Variants in SPEN observed in about 807,000 individuals in gnomAD.
The protein encoded by SPEN is msx2-interacting protein.
Under a neutral mutation model 269.9 loss-of-function variants are expected in SPEN, and 18 were observed. That is an observed-to-expected ratio of 0.07 (90% CI 0.05 to 0.10). SPEN has a LOEUF of 0.10. Among genes scored for constraint, SPEN ranks in the 10% least tolerant of loss-of-function variants. The pLI, the probability that SPEN is intolerant of heterozygous loss-of-function variation, is 1.00. For missense variants in SPEN, 3,822 were observed against 4,631.2 expected, an observed-to-expected ratio of 0.83 and a Z score of 5.07; for synonymous variants, 1,726 against 1,765.7, an observed-to-expected ratio of 0.98 and a Z score of 0.56.
chr1:15,900,774 G>C (rs2070891790), intron 3 of SPEN, among the ~76,000 whole-genome samples: 1 of 152,060 alleles, frequency 6.6e-6, no homozygotes, highest in African/African-American at 2.4e-5. Flanking sequence ...TACAGGCCAG[G>C]GTTTCTCAGT....
At chr1:15,868,948 A>T (rs887237053) in intron 1 of SPEN, among the ~76,000 whole-genome samples, 2 of 152,216 alleles carry the variant, frequency 1.3e-5, no homozygotes, top group Non-Finnish European at 2.9e-5. Context: ...GTTACATGCT[A>T]CATTTAGTGT....
rs541126378 is a variant in SPEN, at chr1:15,931,173, G to A, written c.4933G>A (p.Val1645Ile). The A allele has an allele frequency of 1.2e-5, 19 of 1,614,056 alleles. No homozygotes were observed. The highest frequency in any genetic ancestry group is 1.4e-5 in the Non-Finnish European group (17 of 1,180,052). Residue 1645 changes from valine to isoleucine, a missense_variant, in exon 11 of 15, where the codon GTA becomes ATA. Coordinates refer to ENST00000375759, the MANE Select transcript of SPEN (RefSeq NM_015001.3). The surrounding 1 kb of genome is among the most constrained non-coding windows in gnomAD (Gnocchi z 4.8). ...PSVGPPSVTV[V>I]TLESAPSALE... ...CGTTGGGCCTCCAAGTGTCACAGTCGTAACTCTAGAATCAGCCCCATCAGC... is the reference window on the plus strand; with the variant it reads ...CGTTGGGCCTCCAAGTGTCACAGTCATAACTCTAGAATCAGCCCCATCAGC...
At position 15,848,046 on chromosome 1, in the gene SPEN, G is replaced by C; in HGVS notation, c.-22G>C. Reference sequence around the variant, plus strand: ...CCGGCGAGGGGGAGCCAGCAGCGGCGGTCGCCGGCACGCCGCCCAGCATGG... The same window carrying C: ...CCGGCGAGGGGGAGCCAGCAGCGGCCGTCGCCGGCACGCCGCCCAGCATGG... On this transcript the variant is annotated 5_prime_UTR_variant, in exon 1 of 15. Transcript: ENST00000375759. The surrounding 1 kb of genome is among the most constrained non-coding windows in gnomAD (Gnocchi z 5.1). 4 of 1,399,490 alleles carry C rather than the reference G, an allele frequency of 2.9e-6. No individual in the cohort carries two copies. In the South Asian group the frequency reaches 4.6e-5, roughly 16 times the overall value. The allele number at this position is 1,399,490 out of a possible 1,614,324, so 86.7% of individuals were successfully genotyped here. A position where few individuals can be genotyped will look rare whatever the true frequency, so the allele number is the denominator to read the frequency against.
Position 15,929,756 on chromosome 1 carries a change from A to G in SPEN, c.3516A>G (p.Gln1172=). ...DIDHTQSYRK[Q]MEQSRRKQQM... is the part of the protein sequence containing the mutation. ...ATCACACGCAGAGTTACCGAAAACAAATGGAACAGAGTCGTAGGAAACAGC... is the reference window on the plus strand; with the variant it reads ...ATCACACGCAGAGTTACCGAAAACAGATGGAACAGAGTCGTAGGAAACAGC... Residue 1172 remains glutamine, a synonymous_variant, in exon 11 of 15, where the codon CAA becomes CAG. Coordinates refer to ENST00000375759, the MANE Select transcript of SPEN (RefSeq NM_015001.3). This position sits in a 1 kb window ranked among gnomAD's most constrained non-coding sequence, Gnocchi z 5.8. 6.2e-7 allele frequency: 1 copy of G among 1,614,196 alleles called. No individual in the cohort carries two copies. The highest frequency in any genetic ancestry group is 8.5e-7 in the Non-Finnish European group (1 of 1,180,020).
At position 15,937,720 on chromosome 1, in the gene SPEN, TAAC is replaced by T. The variant is rs1259069121; in HGVS notation, c.10509+77_10509+79del. On this transcript the variant is annotated intron_variant, in intron 12 of 14. Coordinates refer to ENST00000375759, the MANE Select transcript of SPEN (RefSeq NM_015001.3). The surrounding 1 kb of genome is among the most constrained non-coding windows in gnomAD (Gnocchi z 5.7). Reference sequence around the variant, plus strand: ...GTCAAATGTCCTAAGATTCCCTAGTTAACAGACCCACAAGCTACAGCCTCTGGC... The same window carrying T: ...GTCAAATGTCCTAAGATTCCCTAGTTAGACCCACAAGCTACAGCCTCTGGC... 2.5e-6 allele frequency: 4 copies of T among 1,606,640 alleles called. No homozygotes were observed. Among genetic ancestry groups the T allele is most frequent in the Non-Finnish European group, 3.4e-6 (4 of 1,175,628 alleles).
Position 15,940,173 on chromosome 1 carries a change from G to A in SPEN, c.*746G>A, listed in dbSNP as rs1401820419. The A allele has an allele frequency of 4.4e-6, 1 of 228,294 alleles. No individual in the cohort carries two copies. Among genetic ancestry groups the A allele is most frequent in the Non-Finnish European group, 8.7e-6 (1 of 115,270 alleles). The allele number at this position is 228,294 out of a possible 1,614,324, so 14.1% of individuals were successfully genotyped here. On this transcript the variant is annotated 3_prime_UTR_variant, in exon 15 of 15. Transcript: ENST00000375759. ...CCCCGACATACGTTTTTTTTAATCT[G>A]TGCCAAAAATGTGTTTTCAGAGGAA...
At chr1:15,893,895 C>T (rs1395154636) in intron 3 of SPEN, among the ~76,000 whole-genome samples, 2 of 152,020 alleles carry the variant, frequency 1.3e-5, no homozygotes, top group South Asian at 2.1e-4. Context: ...AAAAATTAGC[C>T]GGGTGTGGTG....
chr1:15,921,141 C>T (rs1029116320), intron 9 of SPEN, among the ~76,000 whole-genome samples, 158 bp downstream of exon 9: 2 of 152,190 alleles, frequency 1.3e-5, no homozygotes, highest in Non-Finnish European at 2.9e-5. Context: ...GCCTGATGAA[C>T]ATGGTGAAAC....
At chr1:15,871,830 A>G (rs1202797527) in intron 1 of SPEN, among the ~76,000 whole-genome samples, 1 of 152,214 alleles carries the variant, frequency 6.6e-6, no homozygotes, top group East Asian at 1.9e-4. Context: ...TAAAATAGCT[A>G]TGTATAGTTT....
chr1:15,901,649 C>CAA lies in SPEN; in HGVS notation c.882-7653_882-7652dup, dbSNP rs113563212. On this transcript the variant is annotated intron_variant, in intron 3 of 14. Coordinates refer to ENST00000375759, the MANE Select transcript of SPEN (RefSeq NM_015001.3). ...TGGGTGACAAAGTGAGACTCCATCTCAAAAAAAAAAAAAAAAAAAACACCA... is the reference window on the plus strand; with the variant it reads ...TGGGTGACAAAGTGAGACTCCATCTCAAAAAAAAAAAAAAAAAAAAAACACCA... 1.5e-3 allele frequency among the ~76,000 whole-genome samples: 76 copies of CAA among 52,186 alleles called. 2 individuals are homozygous for CAA. Among genetic ancestry groups the CAA allele is most frequent in the African/African-American group, 2.3e-3 (39 of 16,702 alleles). The allele number at this position is 52,186 out of a possible 152,430, so 34.2% of individuals were successfully genotyped here.
intron 3 of SPEN, among the ~76,000 whole-genome samples, chr1:15,900,027 G>A (rs998213807): frequency 6.6e-6 from 1 of 151,938 alleles, no homozygotes; most frequent in Non-Finnish European, 1.5e-5. Flanking sequence ...TGTATTGTTA[G>A]TAGAGACTGG....
intron 5 of SPEN, 32 bp downstream of exon 5, chr1:15,911,333 T>G: frequency 1.3e-6 from 2 of 1,570,876 alleles, no homozygotes; most frequent in Non-Finnish European, 1.8e-6. Context: ...TTTGAGTTAC[T>G]CATCACACAC....
chr1:15,929,298 C>T lies in SPEN; in HGVS notation c.3058C>T (p.Pro1020Ser), dbSNP rs2071198844. The change falls in exon 11 of 15, where the codon CCT (proline) becomes TCT (serine). Residue 1020 changes from proline (P) to serine (S), a missense_variant. This residue lies in a region of SPEN where 572 missense variants were observed against 582.6 expected (regional missense o/e 0.98). Transcript: ENST00000375759. The surrounding 1 kb of genome is among the most constrained non-coding windows in gnomAD (Gnocchi z 5.8). ...EDARVLSKKQ[P>S]DVSSREVILL... ...TGCTCGCGTGCTTTCAAAAAAGCAG[C>T]CTGACGTGTCCTCTAGAGAGGTCAT... 6.2e-7 allele frequency: 1 copy of T among 1,614,026 alleles called. No homozygotes were observed. Among genetic ancestry groups the T allele is most frequent in the African/African-American group, 1.3e-5 (1 of 74,910 alleles).
chr1:15,858,689 C>G (rs1418832311), intron 1 of SPEN, among the ~76,000 whole-genome samples: 1 of 152,138 alleles, frequency 6.6e-6, no homozygotes, highest in Admixed American at 6.6e-5. Context: ...TATTCCAGCA[C>G]TTTGGAAGGC....
Position 15,847,807 on chromosome 1 carries a change from G to C in SPEN, c.-261G>C, listed in dbSNP as rs1373329720. 1 of 228,040 alleles carries C rather than the reference G, an allele frequency of 4.4e-6. No homozygotes were observed. The highest frequency in any genetic ancestry group is 8.6e-6 in the Non-Finnish European group (1 of 116,380). 14.1% of individuals were successfully genotyped at this position (228,040 alleles called of 1,614,324 possible). On this transcript the variant is annotated 5_prime_UTR_variant, in exon 1 of 15. Transcript: ENST00000375759. The stretch of plus-strand genomic sequence containing the variant: ...CCGCTCCCCCGCCCGCCCCTGCCCG[G>C]GCGCATGCGCTGCCGGAGCGCGAGG...
intron 2 of SPEN, chr1:15,873,424 C>T: frequency 2.7e-6 from 3 of 1,116,496 alleles, no homozygotes; most frequent in Non-Finnish European, 3.3e-6. Context: ...TTACTTATTC[C>T]TTCTCTTGGA....
intron 1 of SPEN, among the ~76,000 whole-genome samples, chr1:15,860,417 G>A (rs1375758060): frequency 1.5e-5 from 2 of 137,538 alleles, no homozygotes; most frequent in African/African-American, 5.9e-5. Context: ...GTGTGTGTGT[G>A]TATGTGTAGC....
chr1:15,933,333 G>A lies in SPEN; in HGVS notation c.7093G>A (p.Glu2365Lys), dbSNP rs754902694. 8.1e-6 allele frequency: 13 copies of A among 1,613,994 alleles called. No individual in the cohort carries two copies. The highest frequency in any genetic ancestry group is 5.3e-5 in the African/African-American group (4 of 74,916). Residue 2365 changes from glutamate to lysine, a missense_variant, in exon 11 of 15, where the codon GAG becomes AAG. Glu to Lys is a moderately conservative substitution (Grantham distance 56, BLOSUM62 1). Coordinates refer to ENST00000375759, the MANE Select transcript of SPEN (RefSeq NM_015001.3). This position sits in a 1 kb window ranked among gnomAD's most constrained non-coding sequence, Gnocchi z 5.7. Reference protein sequence around the residue: ...HVPESNQAQGESPAANEGTTV... With the variant: ...HVPESNQAQGKSPAANEGTTV... ...CCCTGAATCCAACCAAGCTCAAGGT[G>A]AGAGTCCTGCTGCAAATGAGGGGAC... is the stretch of plus-strand genomic sequence containing the variant.
chr1:15,859,803 G>A lies in SPEN; in HGVS notation c.83+11653G>A, dbSNP rs536047330. The stretch of plus-strand genomic sequence containing the variant: ...TTTCCTAAAAAGACTTCTTATTTCT[G>A]GAGAAAGCTTTTAGTTCTAGAGATG... On this transcript the variant is annotated intron_variant, in intron 1 of 14. Coordinates refer to ENST00000375759, the MANE Select transcript of SPEN (RefSeq NM_015001.3). 2.0e-3 allele frequency among the ~76,000 whole-genome samples: 301 copies of A among 151,598 alleles called. 2 individuals carry two copies. The highest frequency in any genetic ancestry group is 2.9e-3 in the Non-Finnish European group (197 of 67,930).
Sources: gnomAD v4.1 joint callset for allele counts (sites outside exome capture counted in the v4.1 genomes callset) on GRCh38, gnomAD v4.1.1 for gene constraint, gnomAD v4.1.1 regional missense constraint, Gnocchi (gnomAD v3.1) non-coding constraint, MANE v1.5 for transcripts, NCBI Gene and HGNC (gene_info 2026-07-23, HGNC 2026-07-21) for gene names.